IMPDH1: variants seen among roughly 807,000 people sequenced by gnomAD.
The protein encoded by IMPDH1 is inosine monophosphate dehydrogenase 1.
Under a neutral mutation model 73.5 loss-of-function variants are expected in IMPDH1, and 41 were observed. The observed-to-expected ratio is 0.56, with a 90% confidence interval of 0.43 to 0.72. The LOEUF (loss-of-function observed/expected upper bound fraction) is 0.72, where lower values mean the gene tolerates loss of function less well. Ranked by LOEUF, IMPDH1 falls within the 30% of genes least tolerant of loss-of-function variation. The pLI is 0.00. For synonymous variants in IMPDH1, 318 were observed against 334.3 expected (o/e 0.95, Z 0.53); for missense variants, 645 against 824.8 (o/e 0.78, Z 2.67).
chr7:128,402,459 A>C (rs1798406425), intron 5 of IMPDH1, among the ~76,000 whole-genome samples: 1 of 152,092 alleles, frequency 6.6e-6, no homozygotes. Context: ...TCTGACACAA[A>C]GCCACACTGG....
In IMPDH1 at chr7:128,398,391, C is replaced by G; in HGVS notation, c.1074+23G>C. On this transcript the variant is annotated intron_variant, in intron 10 of 16. Transcript: ENST00000338791. The surrounding 1 kb of genome is among the most constrained non-coding windows in gnomAD (Gnocchi z 4.3). Reference sequence around the variant, plus strand: ...TGCTGAACCACTCATCCATCTCCCCCACCACTCAGGCGGGGGCCTTACCAA... The same window carrying G: ...TGCTGAACCACTCATCCATCTCCCCGACCACTCAGGCGGGGGCCTTACCAA... The G allele has an allele frequency of 6.2e-7, 1 of 1,605,442 alleles. No homozygotes were observed. Among genetic ancestry groups the G allele is most frequent in the Non-Finnish European group, 8.5e-7 (1 of 1,173,532 alleles).
In IMPDH1 at chr7:128,400,802, AGGCCT is replaced by A. The variant is rs755323171; in HGVS notation, c.579+10_579+14del. On this transcript the variant is annotated intron_variant, in intron 7 of 16. Transcript: ENST00000338791. ...TGCCAGGTGGCATCTTGCTGGGGAC[AGGCCT>A]GGTACTTGCCTTGACCTTCCGCACC... 6.2e-7 allele frequency: 1 copy of A among 1,612,572 alleles called. No individual in the cohort carries two copies. Among genetic ancestry groups the A allele is most frequent in the South Asian group, 1.1e-5 (1 of 91,028 alleles).
rs1283991182 is a variant in IMPDH1, at chr7:128,392,671, G to A, written c.*336C>T. 2 of 352,680 alleles carry A rather than the reference G, an allele frequency of 5.7e-6. No individual in the cohort carries two copies. Among genetic ancestry groups the A allele is most frequent in the Admixed American group, 4.1e-5 (1 of 24,400 alleles). 21.8% of individuals were successfully genotyped at this position (352,680 alleles called of 1,614,324 possible). A position where few individuals can be genotyped will look rare whatever the true frequency, so the allele number is the denominator to read the frequency against. ...AGGGGCAGGGAGGTGCCCTACAGGA[G>A]AAGCCAGGAGGGGCCGCCTGCCCCT... is the stretch of plus-strand genomic sequence containing the variant. On this transcript the variant is annotated 3_prime_UTR_variant, in exon 17 of 17. Coordinates refer to ENST00000338791, the MANE Select transcript of IMPDH1 (RefSeq NM_000883.4).
chr7:128,405,447 G>A (rs891780514), intron 4 of IMPDH1, among the ~76,000 whole-genome samples: 4 of 152,208 alleles, frequency 2.6e-5, no homozygotes, highest in Non-Finnish European at 5.9e-5. Context: ...ACCAGCGGCT[G>A]GGAAAAGTCT....
At chr7:128,408,544 AG>A (rs1798923871) in intron 3 of IMPDH1, among the ~76,000 whole-genome samples, 1 of 128,810 alleles carries the variant, frequency 7.8e-6, no homozygotes, top group Non-Finnish European at 1.6e-5. Context: ...AGGTTTACAC[AG>A]GCTCCCTGAG....
rs533603666 is a variant in IMPDH1 at position 128,409,513 on chromosome 7, C to T, written c.147-29G>A. 4 of 1,613,244 alleles carry T rather than the reference C, an allele frequency of 2.5e-6. No individual in the cohort carries two copies. The African/African-American group carries it at 4.0e-5, about 16-fold the overall frequency. ...AGATTTTAGGGAAGGTTTTTACGAC[C>T]TGTTCCCTCTCCTCCGCTCCCCCGT... On this transcript the variant is annotated intron_variant, in intron 1 of 16. Coordinates refer to ENST00000338791, the MANE Select transcript of IMPDH1 (RefSeq NM_000883.4).
rs1797793686 is a variant in IMPDH1 at position 128,394,784 on chromosome 7, A to G, written c.1550+105T>C. 1.1e-5 allele frequency: 16 copies of G among 1,490,748 alleles called. No homozygotes were observed. Among genetic ancestry groups the G allele is most frequent in the Non-Finnish European group, 1.5e-5 (16 of 1,078,676 alleles). The allele number at this position is 1,490,748 out of a possible 1,614,324, so 92.3% of individuals were successfully genotyped here. On this transcript the variant is annotated intron_variant, in intron 14 of 16. Coordinates refer to ENST00000338791, the MANE Select transcript of IMPDH1 (RefSeq NM_000883.4). The surrounding 1 kb of genome is among the most constrained non-coding windows in gnomAD (Gnocchi z 5.5). ...TTAAGCCCTGTGCCTCAGTTTCCAG[A>G]ACCACCATATGGGGACTGGCTGCCA...
At position 128,398,451 on chromosome 7, in the gene IMPDH1, T is replaced by C; in HGVS notation, c.1037A>G (p.Asp346Gly). Reference sequence around the variant, plus strand: ...GTCGACGCCCGCCTGGGTGAGCAGGTCCAGACGGTATTTGTCATCCTCACG... The same window carrying C: ...GTCGACGCCCGCCTGGGTGAGCAGGCCCAGACGGTATTTGTCATCCTCACG... ...GTREDDKYRLDLLTQAGVDVI... is the reference protein window; with the variant it reads ...GTREDDKYRLGLLTQAGVDVI... The change falls in exon 10 of 17, where the codon GAC becomes GGC. Residue 346 changes from aspartate to glycine, a missense_variant. Around this residue, in one of 2 missense-constraint regions of IMPDH1, gnomAD observed 459 missense variants for 638.2 expected, o/e 0.72. Transcript: ENST00000338791. This position sits in a 1 kb window ranked among gnomAD's most constrained non-coding sequence, Gnocchi z 4.3. The C allele has an allele frequency of 6.2e-7, 1 of 1,613,344 alleles. No homozygotes were observed. The highest frequency in any genetic ancestry group is 2.2e-5 in the East Asian group (1 of 44,890).
rs889799420 is a variant in IMPDH1 at position 128,405,738 on chromosome 7, C to T, written c.353+29G>A. On this transcript the variant is annotated intron_variant, in intron 4 of 16. Coordinates refer to ENST00000338791, the MANE Select transcript of IMPDH1 (RefSeq NM_000883.4). ...GGGGGTCGCGGCGCGTGGATGCGCG[C>T]ACCTAGGGGTACGAGACCCGGCGCT... 4 of 1,525,314 alleles carry T rather than the reference C, an allele frequency of 2.6e-6. No individual in the cohort carries two copies. In the African/African-American group the frequency reaches 5.7e-5, roughly 22 times the overall value. 94.5% of individuals were successfully genotyped at this position (1,525,314 alleles called of 1,614,324 possible). A position where few individuals can be genotyped will look rare whatever the true frequency, so the allele number is the denominator to read the frequency against.
At chr7:128,405,896 C>T (rs1584752106) in intron 3 of IMPDH1, 31 bp from the exon 4 acceptor site, 4 of 1,490,278 alleles carry the variant, frequency 2.7e-6, no homozygotes, top group Non-Finnish European at 3.6e-6. Context: ...CCGACATAAA[C>T]ACCCGCGCGG....
intron 16 of IMPDH1, among the ~76,000 whole-genome samples, chr7:128,393,892 C>T (rs1298627844): frequency 6.6e-6 from 1 of 152,128 alleles, no homozygotes; most frequent in African/African-American, 2.4e-5. Context: ...CCCTGGCGTC[C>T]ATCTCTCTGC....
chr7:128,407,843 G>A (rs1244747101), intron 3 of IMPDH1, among the ~76,000 whole-genome samples: 1 of 152,156 alleles, frequency 6.6e-6, no homozygotes, highest in Admixed American at 6.5e-5. Flanking sequence ...AGCCTTCTTA[G>A]GCTGCCTGGC....
Position 128,403,705 on chromosome 7 carries a change from C to A in IMPDH1, c.402+1G>T, listed in dbSNP as rs1562998089. On this transcript the variant is annotated splice_donor_variant, in intron 5 of 16. Coordinates refer to ENST00000338791, the MANE Select transcript of IMPDH1 (RefSeq NM_000883.4). LOFTEE classifies it high-confidence loss of function. Reference sequence around the variant, plus strand: ...CCCTTGTCAAAGGAAGAGGTACTCACCACCTCATCAGCTATGAAGTCTATG... The same window carrying A: ...CCCTTGTCAAAGGAAGAGGTACTCAACACCTCATCAGCTATGAAGTCTATG... 2 of 1,612,654 alleles carry A rather than the reference C, an allele frequency of 1.2e-6. No homozygotes were observed. Among genetic ancestry groups the A allele is most frequent in the Non-Finnish European group, 1.7e-6 (2 of 1,178,604 alleles).
intron 4 of IMPDH1, 104 bp downstream of exon 4, chr7:128,405,663 C>T: frequency 7.0e-7 from 1 of 1,426,930 alleles, no homozygotes; most frequent in Non-Finnish European, 9.2e-7. Flanking sequence ...AGCAGGCACT[C>T]GCACCGGGCA....
chr7:128,395,822 T>C (rs138241898), intron 12 of IMPDH1, among the ~76,000 whole-genome samples: 1 of 152,334 alleles, frequency 6.6e-6, no homozygotes, highest in African/African-American at 2.4e-5. Flanking sequence ...GAACAGTGCC[T>C]GAGACAAGTA....
chr7:128,392,921 G>T lies in IMPDH1; in HGVS notation c.*86C>A. On this transcript the variant is annotated 3_prime_UTR_variant, in exon 17 of 17. Transcript: ENST00000338791. Reference sequence around the variant, plus strand: ...TGGAGAACCCGTAGTGCAAATCTGTGGACCACTCAGTTATGGAGGGAGGCT... The same window carrying T: ...TGGAGAACCCGTAGTGCAAATCTGTTGACCACTCAGTTATGGAGGGAGGCT... 1 of 1,349,116 alleles carries T rather than the reference G, an allele frequency of 7.4e-7. No homozygotes were observed. The highest frequency in any genetic ancestry group is 1.1e-6 in the Non-Finnish European group (1 of 939,624). 83.6% of individuals were successfully genotyped at this position (1,349,116 alleles called of 1,614,324 possible). A position where few individuals can be genotyped will look rare whatever the true frequency, so the allele number is the denominator to read the frequency against.
chr7:128,396,431 C>T lies in IMPDH1; in HGVS notation c.1261+169G>A, dbSNP rs569483954. Among the ~76,000 whole-genome samples the T allele has an allele frequency of 2.4e-3, 359 of 152,350 alleles. 6 individuals carry two copies. Among genetic ancestry groups the T allele is most frequent in the Non-Finnish European group, 5.7e-4 (39 of 68,030 alleles). ...TGCAGCTCTTGCACCCTGCTTACAC[C>T]TGCCTTCCCCTAAGTCAGTGGGCCC... On this transcript the variant is annotated intron_variant, in intron 12 of 16. Transcript: ENST00000338791. The surrounding 1 kb of genome is among the most constrained non-coding windows in gnomAD (Gnocchi z 4.0).
Position 128,394,869 on chromosome 7 carries a change from G to A in IMPDH1, c.1550+20C>T, listed in dbSNP as rs374465636. On this transcript the variant is annotated intron_variant, in intron 14 of 16. Transcript: ENST00000338791. This position sits in a 1 kb window ranked among gnomAD's most constrained non-coding sequence, Gnocchi z 5.5. ...GGGTTGTGGGCTGATCTGCCCAGGT[G>A]GGGCCCAGGGTCAGGGAACCTGAAG... 6 of 1,610,686 alleles carry A rather than the reference G, an allele frequency of 3.7e-6. No individual in the cohort carries two copies. The highest frequency in any genetic ancestry group is 1.3e-5 in the African/African-American group (1 of 74,972).
intron 16 of IMPDH1, among the ~76,000 whole-genome samples, chr7:128,393,528 G>A (rs1797679933): frequency 6.6e-6 from 1 of 152,150 alleles, no homozygotes; most frequent in South Asian, 2.1e-4. Context: ...TGGATGAGGG[G>A]ACACTGCTGG....
Sources: gnomAD v4.1 joint callset for allele counts (sites outside exome capture counted in the v4.1 genomes callset) on GRCh38, gnomAD v4.1.1 for gene constraint, gnomAD v4.1.1 regional missense constraint, Gnocchi (gnomAD v3.1) non-coding constraint, MANE v1.5 for transcripts, NCBI Gene and HGNC (gene_info 2026-07-23, HGNC 2026-07-21) for gene names.